PRELID2: variants seen among roughly 807,000 people sequenced by gnomAD.
The protein encoded by PRELID2 is PRELI domain containing 2, also known as PRELI domain-containing protein 2.
A neutral mutation model predicts 28.4 loss-of-function variants in PRELID2; 25 were observed. The ratio of observed to expected loss-of-function variants is 0.88; its 90% CI spans 0.64 to 1.23. The LOEUF is 1.23. PRELID2 is among the 50% of genes most tolerant of loss of function. The probability of loss-of-function intolerance (pLI) is 0.00; values close to 1 mark genes in which losing one functional copy is unlikely to be tolerated. For missense variants in PRELID2, 201 were observed against 214.4 expected (o/e 0.94, Z 0.39); for synonymous variants, 76 against 71.6 (o/e 1.06, Z -0.31).
chr5:145,502,520 T>C (rs999070764), intron 1 of PRELID2, among the ~76,000 whole-genome samples: 3 of 152,298 alleles, frequency 2.0e-5, no homozygotes, highest in African/African-American at 7.2e-5. Flanking sequence ...GTTATAATGA[T>C]GGCCAGGTTA....
chr5:145,654,875 C>T (rs1021170164), intron 1 of PRELID2, among the ~76,000 whole-genome samples: 1 of 152,114 alleles, frequency 6.6e-6, no homozygotes, highest in African/African-American at 2.4e-5. Flanking sequence ...TCCTATTCAA[C>T]ATAGTGTTGG....
At chr5:145,504,666 C>T (rs541320939) in intron 1 of PRELID2, among the ~76,000 whole-genome samples, 1 of 152,242 alleles carries the variant, frequency 6.6e-6, no homozygotes, top group East Asian at 1.9e-4. Context: ...TAACTGAACC[C>T]TTCCTCATCT....
intron 1 of PRELID2, among the ~76,000 whole-genome samples, chr5:145,583,989 T>G (rs1753130090): frequency 6.6e-6 from 1 of 152,234 alleles, no homozygotes. Context: ...AAGAAAATCC[T>G]AAGCAAAAAG....
At chr5:145,747,957 A>C (rs1757034835) in intron 1 of PRELID2, among the ~76,000 whole-genome samples, 1 of 152,190 alleles carries the variant, frequency 6.6e-6, no homozygotes. Flanking sequence ...AAAATTCAAC[A>C]TCCCTTCATG....
intron 6 of PRELID2, among the ~76,000 whole-genome samples, 156 bp from the exon 7 acceptor site, chr5:145,760,681 T>G (rs1244717082): frequency 6.6e-6 from 1 of 152,178 alleles, no homozygotes; most frequent in African/African-American, 2.4e-5. Context: ...CTAATGATCT[T>G]CGAACAAGGC....
chr5:145,441,251 C>G, the PRELID2 span: 1 of 152,052 alleles, frequency 6.6e-6, no homozygotes, highest in South Asian at 2.1e-4. Flanking sequence ...GCCAACAACT[C>G]TCAAAGTTTC....
intron 1 of PRELID2, among the ~76,000 whole-genome samples, chr5:145,541,028 C>T (rs542525824): frequency 6.6e-6 from 1 of 152,024 alleles, no homozygotes; most frequent in East Asian, 1.9e-4. Context: ...GTGGAGGAGA[C>T]AAATGAACCA....
chr5:145,543,004 A>G (rs1473454514), intron 1 of PRELID2, among the ~76,000 whole-genome samples: 1 of 152,036 alleles, frequency 6.6e-6, no homozygotes, highest in Non-Finnish European at 1.5e-5. Flanking sequence ...ACAAGCTGTT[A>G]GCTTTTTCTT....
intron 1 of PRELID2, among the ~76,000 whole-genome samples, chr5:145,478,238 A>G (rs1752121479): frequency 6.6e-6 from 1 of 152,078 alleles, no homozygotes; most frequent in African/African-American, 2.4e-5. Flanking sequence ...ACAGAACTTC[A>G]AAGACTTAGT....
the PRELID2 span, among the ~76,000 whole-genome samples, chr5:145,430,732 T>C: frequency 6.6e-6 from 1 of 152,226 alleles, no homozygotes; most frequent in East Asian, 1.9e-4. Flanking sequence ...TTCATGAACA[T>C]GCATGCTGTG....
chr5:145,520,536 GCTGCCCCCTCTCTCCAGGCAGC>G (rs1402204204), intron 1 of PRELID2, among the ~76,000 whole-genome samples: 3 of 152,034 alleles, frequency 2.0e-5, no homozygotes, highest in Non-Finnish European at 2.9e-5. Context: ...CCCTGAATGT[GCTGCCCCCTCTCTCCAGGCAGC>G]CAGCTTCCCA....
intron 1 of PRELID2, among the ~76,000 whole-genome samples, chr5:145,516,436 T>C (rs1008657333): frequency 5.3e-5 from 8 of 152,176 alleles, no homozygotes; most frequent in Non-Finnish European, 1.0e-4. Flanking sequence ...ACAAGGGATG[T>C]GAAGGACCTC....
the PRELID2 span, among the ~76,000 whole-genome samples, chr5:145,365,508 A>G: frequency 6.6e-6 from 1 of 151,960 alleles, no homozygotes; most frequent in Admixed American, 6.6e-5. Context: ...GTGGGTATTT[A>G]AAAAGAAATT....
chr5:145,320,946 T>A, the PRELID2 span, among the ~76,000 whole-genome samples: 401 of 152,334 alleles, frequency 2.6e-3, no homozygotes, highest in African/African-American at 9.2e-3. Context: ...TACTAAACAC[T>A]TTTATGCATT....
At chr5:145,292,874 A>AT in the PRELID2 span, among the ~76,000 whole-genome samples, 7 of 151,748 alleles carry the variant, frequency 4.6e-5, no homozygotes, top group African/African-American at 9.7e-5. Context: ...CACCATGCTA[A>AT]TTTTTTTTAT....
intron 5 of PRELID2, among the ~76,000 whole-genome samples, chr5:145,794,347 C>A (rs1465387617): frequency 2.0e-5 from 3 of 152,134 alleles, no homozygotes; most frequent in African/African-American, 7.2e-5. Flanking sequence ...TTACTTGCAA[C>A]CAAATAGTCC....
chr5:145,470,328 A>T (rs954673680), downstream of PRELID2, among the ~76,000 whole-genome samples: 1 of 152,182 alleles, frequency 6.6e-6, no homozygotes, highest in African/African-American at 2.4e-5. Context: ...TCAGGGCTGT[A>T]GTTTTTCAAA....
chr5:145,374,231 A>T, the PRELID2 span, among the ~76,000 whole-genome samples: 5 of 152,004 alleles, frequency 3.3e-5, no homozygotes, highest in East Asian at 9.7e-4. Context: ...TTATTTTTCC[A>T]TCACTTATGA....
chr5:145,587,048 C>T (rs1246376805), intron 1 of PRELID2, among the ~76,000 whole-genome samples: 1 of 152,070 alleles, frequency 6.6e-6, no homozygotes, highest in African/African-American at 2.4e-5. Context: ...GTCTATCTGG[C>T]CTGCTATCAG....
Sources: allele counts gnomAD v4.1 joint callset (sites outside exome capture counted in the v4.1 genomes callset), GRCh38; gene constraint gnomAD v4.1.1; transcripts MANE v1.5; gene names NCBI Gene and HGNC (gene_info 2026-07-23, HGNC 2026-07-21).